Variants in PDE1C observed in about 807,000 individuals in gnomAD.
PDE1C encodes the protein phosphodiesterase 1C.
Under a neutral mutation model 93.1 loss-of-function variants are expected in PDE1C, and 62 were observed. The observed-to-expected ratio is 0.67, with a 90% CI of 0.54 to 0.82. The LOEUF (loss-of-function observed/expected upper bound fraction) is 0.82, where lower values mean the gene tolerates loss of function less well. Ranked by LOEUF, PDE1C falls within the 40% of genes least tolerant of loss-of-function variation. The pLI is 0.00. For synonymous variants in PDE1C, 325 were observed against 310.1 expected (o/e 1.05, Z -0.50); for missense variants, 742 against 884.6 (o/e 0.84, Z 2.04).
intron 2 of PDE1C, among the ~76,000 whole-genome samples, chr7:32,018,437 T>C (rs898650882): frequency 6.6e-6 from 1 of 152,222 alleles, no homozygotes; most frequent in Non-Finnish European, 1.5e-5. Flanking sequence ...CATCAATTGA[T>C]AAATGGGTAA....
At chr7:31,784,246 T>A (rs1783685332) in intron 16 of PDE1C, 1 of 152,148 alleles carries the variant, frequency 6.6e-6, no homozygotes, top group South Asian at 2.1e-4. Flanking sequence ...GGATGCTATG[T>A]ATTTAATGCA....
intron 1 of PDE1C, among the ~76,000 whole-genome samples, chr7:32,298,064 C>CTCTCTGAATT (rs1491127729): frequency 3.4e-5 from 1 of 29,766 alleles, no homozygotes; most frequent in African/African-American, 1.5e-4. Context: ...CTCTCTCTCT[C>CTCTCTGAATT]CCCTCTCTCT....
chr7:32,146,955 T>C (rs1800874390), intron 3 of PDE1C, among the ~76,000 whole-genome samples: 1 of 152,064 alleles, frequency 6.6e-6, no homozygotes, highest in Non-Finnish European at 1.5e-5. Context: ...TTTGGCAATA[T>C]AAATTTCCAT....
At chr7:32,135,913 T>C (rs760247752) in intron 3 of PDE1C, among the ~76,000 whole-genome samples, 4 of 152,188 alleles carry the variant, frequency 2.6e-5, no homozygotes, top group African/African-American at 7.2e-5. Context: ...TGTGGTATAT[T>C]ATTCAGACAC....
intron 2 of PDE1C, among the ~76,000 whole-genome samples, chr7:31,909,609 T>A (rs1050205779): frequency 6.6e-6 from 1 of 152,212 alleles, no homozygotes; most frequent in African/African-American, 2.4e-5. Flanking sequence ...TAGAGATGCA[T>A]TGTACAAAAC....
intron 3 of PDE1C, among the ~76,000 whole-genome samples, chr7:32,114,886 G>A (rs1798896337): frequency 1.3e-5 from 2 of 152,154 alleles, no homozygotes; most frequent in Non-Finnish European, 2.9e-5. Flanking sequence ...CTGATCATTA[G>A]AGAAAGGCAC....
At chr7:31,831,265 T>G (rs1052490796) in intron 11 of PDE1C, among the ~76,000 whole-genome samples, 5 of 152,146 alleles carry the variant, frequency 3.3e-5, no homozygotes, top group Admixed American at 1.3e-4. Context: ...TTTTAGCTCT[T>G]TCAGAAATTA....
intron 14 of PDE1C, chr7:31,820,549 T>C (rs1562861902): frequency 6.6e-6 from 1 of 152,052 alleles, no homozygotes; most frequent in East Asian, 1.9e-4. Context: ...GTAAATCAGG[T>C]TGGTTAACAA....
chr7:31,942,373 A>G (rs1474780001), intron 2 of PDE1C, among the ~76,000 whole-genome samples: 1 of 152,172 alleles, frequency 6.6e-6, no homozygotes, highest in Non-Finnish European at 1.5e-5. Context: ...CAGCTACTTC[A>G]TGCTGCCCTT....
chr7:31,648,314 C>A, the PDE1C span, among the ~76,000 whole-genome samples: 1 of 151,522 alleles, frequency 6.6e-6, no homozygotes, highest in Non-Finnish European at 1.5e-5. Context: ...TATAATCAAG[C>A]CTTTATATTG....
intron 1 of PDE1C, among the ~76,000 whole-genome samples, chr7:32,398,753 G>C (rs1318484509): frequency 1.3e-5 from 2 of 151,982 alleles, no homozygotes; most frequent in African/African-American, 2.4e-5. Context: ...GAACTTGGGG[G>C]AATAAATGAC....
intron 2 of PDE1C, among the ~76,000 whole-genome samples, chr7:32,001,690 A>G (rs908280567): frequency 6.6e-6 from 1 of 152,210 alleles, no homozygotes; most frequent in East Asian, 1.9e-4. Context: ...CATGTAAAAA[A>G]GTAAAAAAAA....
the PDE1C span, among the ~76,000 whole-genome samples, chr7:31,726,348 G>C: frequency 6.6e-6 from 1 of 152,052 alleles, no homozygotes; most frequent in Non-Finnish European, 1.5e-5. Context: ...GGGAGCCACT[G>C]CACCTAGCAA....
At chr7:31,919,199 C>G (rs1802307789) in intron 2 of PDE1C, among the ~76,000 whole-genome samples, 1 of 152,110 alleles carries the variant, frequency 6.6e-6, no homozygotes, top group South Asian at 2.1e-4. Context: ...TCGGACTAGA[C>G]AGTACAAGCA....
chr7:32,043,037 A>G (rs1792055032), intron 2 of PDE1C, among the ~76,000 whole-genome samples: 4 of 152,288 alleles, frequency 2.6e-5, no homozygotes, highest in African/African-American at 9.6e-5. Flanking sequence ...TCTCAACTAG[A>G]GGTGATTTTG....
intron 3 of PDE1C, among the ~76,000 whole-genome samples, chr7:32,120,095 C>G (rs116726794): frequency 0.026 from 3,892 of 152,314 alleles, 158 homozygotes; most frequent in African/African-American, 0.089. Context: ...AGGTGCCCCC[C>G]ACAGCCCCAC....
At chr7:31,624,722 C>A in the PDE1C span, among the ~76,000 whole-genome samples, 4 of 151,190 alleles carry the variant, frequency 2.6e-5, no homozygotes, top group Non-Finnish European at 4.4e-5. Context: ...GCAAGGACTT[C>A]ATGTCTAAAA....
the PDE1C span, among the ~76,000 whole-genome samples, chr7:31,684,002 G>T: frequency 1.3e-5 from 2 of 152,176 alleles, no homozygotes; most frequent in Non-Finnish European, 2.9e-5. Flanking sequence ...TTGCACTTAT[G>T]CTGGGAGCGC....
intron 1 of PDE1C, among the ~76,000 whole-genome samples, chr7:32,362,747 A>C (rs1489010038): frequency 6.6e-6 from 1 of 152,144 alleles, no homozygotes; most frequent in East Asian, 1.9e-4. Context: ...AAGCATCCTC[A>C]CCAGAAGCAG....
Sources: allele counts gnomAD v4.1 joint callset (sites outside exome capture counted in the v4.1 genomes callset), GRCh38; gene constraint gnomAD v4.1.1; transcripts MANE v1.5; gene names NCBI Gene and HGNC (gene_info 2026-07-23, HGNC 2026-07-21).